Variants in EYS observed in about 807,000 individuals in gnomAD.
EYS encodes the protein protein eyes shut homolog.
Under a neutral mutation model 282.1 loss-of-function variants are expected in EYS, and 250 were observed. That is an observed-to-expected ratio of 0.89 (90% CI 0.80 to 0.98). EYS has a LOEUF of 0.98. Among genes scored for constraint, EYS ranks in the 50% least tolerant of loss-of-function variants. EYS has a pLI of 0.00. For synonymous variants in EYS, 1,355 were observed against 1,282.9 expected (o/e 1.06, Z -1.20); for missense variants, 4,016 against 3,709.0 (o/e 1.08, Z -2.15).
intron 2 of EYS, among the ~76,000 whole-genome samples, chr6:65,584,745 T>C (rs932876952): frequency 1.1e-4 from 17 of 151,884 alleles, no homozygotes; most frequent in African/African-American, 4.1e-4. Flanking sequence ...ATAATATGAA[T>C]ATTATGGATG....
intron 2 of EYS, among the ~76,000 whole-genome samples, 166 bp from the exon 3 acceptor site, chr6:65,496,159 A>G (rs1050948912): frequency 3.9e-5 from 6 of 152,118 alleles, no homozygotes; most frequent in Non-Finnish European, 8.8e-5. Flanking sequence ...CAAATGACTA[A>G]CCTAGAATGA....
At chr6:63,759,241 C>T (rs1464934300) in intron 41 of EYS, among the ~76,000 whole-genome samples, 1 of 152,008 alleles carries the variant, frequency 6.6e-6, no homozygotes, top group Non-Finnish European at 1.5e-5. Context: ...CAGACTTTAG[C>T]CAAAATTTCC....
At chr6:64,862,174 T>C (rs1207832207) in intron 19 of EYS, among the ~76,000 whole-genome samples, 2 of 152,222 alleles carry the variant, frequency 1.3e-5, no homozygotes, top group Non-Finnish European at 2.9e-5. Context: ...GCAATGCCTA[T>C]TCTTGTTTTC....
intron 31 of EYS, among the ~76,000 whole-genome samples, chr6:64,129,166 G>A (rs1038770551): frequency 1.3e-5 from 2 of 152,172 alleles, no homozygotes; most frequent in Admixed American, 1.3e-4. Flanking sequence ...GAAAATCTTT[G>A]CATCTGTTCC....
At chr6:64,220,170 TTAAAG>T (rs1240715347) in intron 31 of EYS, among the ~76,000 whole-genome samples, 15 of 152,178 alleles carry the variant, frequency 9.9e-5, no homozygotes, top group African/African-American at 2.9e-4. Flanking sequence ...ACCCTAAAAC[TTAAAG>T]TAAAAAATTT....
chr6:64,078,630 T>G (rs1236695904), intron 32 of EYS, among the ~76,000 whole-genome samples: 1 of 151,968 alleles, frequency 6.6e-6, no homozygotes, highest in Non-Finnish European at 1.5e-5. Flanking sequence ...CTCTCTAGAG[T>G]AAACAGCTTT....
chr6:63,940,369 G>A (rs1011255163), intron 35 of EYS, among the ~76,000 whole-genome samples: 2 of 151,820 alleles, frequency 1.3e-5, no homozygotes, highest in African/African-American at 2.4e-5. Flanking sequence ...CTAGGCCAGC[G>A]GGTGTAAAAA....
At chr6:64,508,931 A>G (rs1777297481) in intron 26 of EYS, among the ~76,000 whole-genome samples, 1 of 151,902 alleles carries the variant, frequency 6.6e-6, no homozygotes, top group African/African-American at 2.4e-5. Context: ...AGCCAGATCT[A>G]GTATCTTTCT....
chr6:65,160,984 CT>C (rs1764838930), intron 12 of EYS, among the ~76,000 whole-genome samples: 1 of 150,568 alleles, frequency 6.6e-6, no homozygotes, highest in African/African-American at 2.4e-5. Flanking sequence ...CATCTACACT[CT>C]TTTTCTACAT....
intron 4 of EYS, among the ~76,000 whole-genome samples, chr6:65,492,123 A>AT (rs1766068135): frequency 6.6e-6 from 1 of 152,194 alleles, no homozygotes. Context: ...AGCATTCTCA[A>AT]TTGTTTTGAC....
At chr6:64,823,906 A>G (rs1764974130) in intron 19 of EYS, among the ~76,000 whole-genome samples, 1 of 151,976 alleles carries the variant, frequency 6.6e-6, no homozygotes, top group Admixed American at 6.6e-5. Flanking sequence ...TAGCCAATAC[A>G]TAATACCTAG....
intron 12 of EYS, among the ~76,000 whole-genome samples, chr6:65,131,234 T>C (rs1166863808): frequency 6.6e-6 from 1 of 151,684 alleles, no homozygotes; most frequent in East Asian, 1.9e-4. Context: ...AATAAAACTA[T>C]AAAGTAAGTA....
chr6:65,481,999 T>C (rs1035373946), intron 5 of EYS, among the ~76,000 whole-genome samples: 2 of 152,212 alleles, frequency 1.3e-5, no homozygotes, highest in African/African-American at 4.8e-5. Flanking sequence ...GTTCTTTATC[T>C]GGATGGAATA....
At chr6:65,337,407 G>GT (rs1203332568) in intron 10 of EYS, among the ~76,000 whole-genome samples, 4 of 151,008 alleles carry the variant, frequency 2.6e-5, no homozygotes, top group African/African-American at 4.8e-5. Context: ...TAGTTGTAAA[G>GT]TTTTTTTTCA....
chr6:65,547,779 T>A (rs557203416), intron 2 of EYS, among the ~76,000 whole-genome samples: 1 of 152,350 alleles, frequency 6.6e-6, no homozygotes, highest in South Asian at 2.1e-4. Flanking sequence ...TAATTGGTTA[T>A]AGTGACAATG....
At chr6:65,162,616 A>T (rs1336780141) in intron 12 of EYS, among the ~76,000 whole-genome samples, 3 of 150,496 alleles carry the variant, frequency 2.0e-5, no homozygotes, top group African/African-American at 7.3e-5. Flanking sequence ...ATTTTATTTT[A>T]TTTTTTTGGC....
chr6:65,262,760 G>T (rs1767652999), intron 12 of EYS, among the ~76,000 whole-genome samples: 1 of 151,962 alleles, frequency 6.6e-6, no homozygotes, highest in Non-Finnish European at 1.5e-5. Context: ...CACTAGTTAG[G>T]TTCATTTAAA....
chr6:64,442,407 G>T (rs756225533), intron 26 of EYS, among the ~76,000 whole-genome samples: 7 of 152,134 alleles, frequency 4.6e-5, no homozygotes, highest in Non-Finnish European at 1.0e-4. Flanking sequence ...CTGACAATGC[G>T]ATAGAAAAGA....
intron 8 of EYS, among the ~76,000 whole-genome samples, chr6:65,374,791 C>CA (rs1324304361): frequency 6.6e-6 from 1 of 152,092 alleles, no homozygotes; most frequent in Non-Finnish European, 1.5e-5. Flanking sequence ...CGGAACGCAT[C>CA]ACAGCACAGC....
Sources: allele counts gnomAD v4.1 joint callset (sites outside exome capture counted in the v4.1 genomes callset), GRCh38; gene constraint gnomAD v4.1.1; transcripts MANE v1.5; gene names NCBI Gene and HGNC (gene_info 2026-07-23, HGNC 2026-07-21).